Variants in PDE4D observed in about 807,000 individuals in gnomAD.
PDE4D encodes the protein phosphodiesterase 4D, also known as 3',5'-cyclic-AMP phosphodiesterase 4D.
In PDE4D, 24 loss-of-function variants were observed where a neutral mutation model predicts 87.4. The observed-to-expected ratio is 0.27, with a 90% confidence interval of 0.20 to 0.39. The LOEUF (loss-of-function observed/expected upper bound fraction) is 0.39. Among genes scored for constraint, PDE4D ranks in the 10% least tolerant of loss-of-function variants. The pLI, the probability that PDE4D is intolerant of heterozygous loss-of-function variation, is 1.00. For synonymous variants in PDE4D, 384 were observed against 383.2 expected, an observed-to-expected ratio of 1.00 and a Z score of -0.02; for missense variants, 714 against 1,041.0, an observed-to-expected ratio of 0.69 and a Z score of 4.32.
At chr5:60,108,119 C>A (rs1220674626) in intron 2 of PDE4D, among the ~76,000 whole-genome samples, 1 of 151,828 alleles carries the variant, frequency 6.6e-6, no homozygotes, top group Non-Finnish European at 1.5e-5. Flanking sequence ...CCCATCGTCT[C>A]AGCCCAAAAT....
intron 5 of PDE4D, among the ~76,000 whole-genome samples, chr5:59,093,834 G>C (rs1427763198): frequency 1.3e-5 from 2 of 152,120 alleles, no homozygotes; most frequent in Non-Finnish European, 1.5e-5. Context: ...AAATCTACAG[G>C]AAAGAGAGAG....
chr5:59,272,124 C>A (rs1226206079), intron 1 of PDE4D, among the ~76,000 whole-genome samples: 4 of 152,010 alleles, frequency 2.6e-5, no homozygotes, highest in Non-Finnish European at 5.9e-5. Flanking sequence ...ACAGTAGCAT[C>A]TCTTTTATTT....
At chr5:59,313,524 C>G (rs762492248) in intron 1 of PDE4D, among the ~76,000 whole-genome samples, 7 of 152,114 alleles carry the variant, frequency 4.6e-5, no homozygotes, top group Non-Finnish European at 8.8e-5. Flanking sequence ...CAAGACCCAG[C>G]AAAGAAATCT....
chr5:59,968,819 C>T (rs1760366909), intron 3 of PDE4D, among the ~76,000 whole-genome samples: 1 of 152,048 alleles, frequency 6.6e-6, no homozygotes, highest in African/African-American at 2.4e-5. Context: ...ATGGTACCTA[C>T]CGTAGCATCA....
chr5:59,004,812 T>C (rs1293751926), intron 6 of PDE4D, among the ~76,000 whole-genome samples: 3 of 152,214 alleles, frequency 2.0e-5, no homozygotes, highest in African/African-American at 4.8e-5. Context: ...CTAGCCTCCC[T>C]GGCCTCTGCC....
intron 1 of PDE4D, among the ~76,000 whole-genome samples, chr5:59,844,125 G>A: frequency 6.6e-6 from 1 of 152,094 alleles, no homozygotes; most frequent in East Asian, 1.9e-4. Context: ...CAAACACCTG[G>A]AGTACAAAAT....
At chr5:59,256,865 T>C (rs1044181786) in intron 1 of PDE4D, among the ~76,000 whole-genome samples, 5 of 152,062 alleles carry the variant, frequency 3.3e-5, no homozygotes, top group Non-Finnish European at 5.9e-5. Context: ...ATAACCTCTA[T>C]AGATGAAAAG....
In PDE4D at chr5:60,087,113, A is replaced by G. The variant is rs981877116; in HGVS notation, c.43-98396T>C. On this transcript the variant is annotated intron_variant, in intron 2 of 16. Transcript: ENST00000502484. ...GGACAGCTTTTAACTTCCAGTGCTC[A>G]CTATAAAACATCCCCAGAGTGGGAA... 3.9e-5 allele frequency among the ~76,000 whole-genome samples: 6 copies of G among 152,366 alleles called. No homozygotes were observed. In the East Asian group the frequency reaches 1.2e-3, roughly 29 times the overall value.
chr5:60,120,787 G>T (rs1778607116), intron 2 of PDE4D, among the ~76,000 whole-genome samples: 1 of 152,084 alleles, frequency 6.6e-6, no homozygotes, highest in Admixed American at 6.5e-5. Flanking sequence ...GCCTAGTAAT[G>T]GCTTTTACCC....
rs530244404 is a variant in PDE4D, at chr5:59,275,774, CT to C, written c.456-59807del. On this transcript the variant is annotated intron_variant, in intron 1 of 14. Transcript: ENST00000340635. ...CTTTTTTGCAATTCCATAGTAACAG[CT>C]TTAAAGGTTTCTGACACTCGAAGAG... 4,764 of 996,082 alleles carry C rather than the reference CT, an allele frequency of 4.8e-3. 10 individuals carry two copies. The highest frequency in any genetic ancestry group is 5.4e-3 in the Non-Finnish European group (4,517 of 837,326). The allele number at this position is 996,082 out of a possible 1,614,324, so 61.7% of individuals were successfully genotyped here. A position where few individuals can be genotyped will look rare whatever the true frequency, so the allele number is the denominator to read the frequency against.
chr5:59,378,258 C>A (rs191750552), intron 1 of PDE4D, among the ~76,000 whole-genome samples: 3 of 152,184 alleles, frequency 2.0e-5, no homozygotes, highest in Non-Finnish European at 2.9e-5. Context: ...AAGAGGGGAA[C>A]AACACACACT....
At chr5:59,039,834 G>C (rs1417346395) in intron 5 of PDE4D, 1 of 152,692 alleles carries the variant, frequency 6.5e-6, no homozygotes, top group Non-Finnish European at 1.5e-5. Flanking sequence ...GCTGCTGTGG[G>C]ACTGTCTGTG....
chr5:59,727,122 TC>T (rs1050944386), intron 1 of PDE4D, among the ~76,000 whole-genome samples: 79 of 152,260 alleles, frequency 5.2e-4, no homozygotes, highest in African/African-American at 1.9e-3. Flanking sequence ...GAACGGTTCT[TC>T]CCTAAAACTG....
chr5:59,283,889 A>G (rs1385656192), intron 1 of PDE4D, among the ~76,000 whole-genome samples: 1 of 152,178 alleles, frequency 6.6e-6, no homozygotes, highest in East Asian at 1.9e-4. Context: ...TTCAAATCCC[A>G]CAGACACTGT....
chr5:59,090,557 G>A (rs1040795444), intron 5 of PDE4D, among the ~76,000 whole-genome samples: 1 of 152,058 alleles, frequency 6.6e-6, no homozygotes, highest in Non-Finnish European at 1.5e-5. Context: ...ATACTGGCAT[G>A]AGAAACGCTA....
intron 6 of PDE4D, among the ~76,000 whole-genome samples, chr5:59,020,402 G>A (rs536027856): frequency 1.7e-3 from 262 of 151,426 alleles, no homozygotes; most frequent in Non-Finnish European, 3.2e-3. Flanking sequence ...GAATCCAGGA[G>A]GTGGAGGTGG....
intron 2 of PDE4D, among the ~76,000 whole-genome samples, chr5:60,044,219 A>G (rs575486057): frequency 6.6e-6 from 1 of 152,256 alleles, no homozygotes; most frequent in South Asian, 2.1e-4. Context: ...TTGCCCCAAT[A>G]AGATTATTAT....
At chr5:59,219,974 T>C (rs1752117630) in intron 1 of PDE4D, among the ~76,000 whole-genome samples, 2 of 152,022 alleles carry the variant, frequency 1.3e-5, no homozygotes, top group Admixed American at 1.3e-4. Flanking sequence ...TCTGGCTAAA[T>C]TTGAGGCTTG....
intron 1 of PDE4D, among the ~76,000 whole-genome samples, chr5:59,689,186 T>C (rs1013905989): frequency 1.3e-5 from 2 of 152,066 alleles, no homozygotes; most frequent in South Asian, 2.1e-4. Flanking sequence ...TTCCAATCGA[T>C]AGAAAAAGAG....
Sources: gnomAD v4.1 joint callset for allele counts (sites outside exome capture counted in the v4.1 genomes callset) on GRCh38, gnomAD v4.1.1 for gene constraint, MANE v1.5 for transcripts, NCBI Gene and HGNC (gene_info 2026-07-23, HGNC 2026-07-21) for gene names.